FBXL20: variants seen among roughly 807,000 people sequenced by gnomAD.
FBXL20 encodes F-box/LRR-repeat protein 20.
FBXL20 carries 11 observed loss-of-function variants against 64.0 expected under a neutral mutation model. That is an observed-to-expected ratio of 0.17 (90% confidence interval 0.11 to 0.28). FBXL20 has a LOEUF of 0.28. Ranked by LOEUF, FBXL20 falls within the 10% of genes least tolerant of loss-of-function variation. FBXL20 has a pLI of 1.00. For missense variants in FBXL20, 303 were observed against 526.2 expected, an observed-to-expected ratio of 0.58 and a Z score of 4.15; for synonymous variants, 184 against 189.0, an observed-to-expected ratio of 0.97 and a Z score of 0.22.
chr17:39,383,939 C>T (rs1006458493), intron 1 of FBXL20, among the ~76,000 whole-genome samples: 15 of 151,510 alleles, frequency 9.9e-5, no homozygotes, highest in Non-Finnish European at 1.6e-4. Flanking sequence ...AAATTTTATA[C>T]ATAAAATTTA....
intron 1 of FBXL20, among the ~76,000 whole-genome samples, chr17:39,387,930 G>T (rs1567906806): frequency 6.6e-6 from 1 of 151,958 alleles, no homozygotes; most frequent in Non-Finnish European, 1.5e-5. Context: ...GTTTATCAGG[G>T]CACAGTCCCA....
At chr17:39,400,580 T>C (rs1299051767) in intron 1 of FBXL20, among the ~76,000 whole-genome samples, 3 of 152,130 alleles carry the variant, frequency 2.0e-5, no homozygotes, top group Non-Finnish European at 2.9e-5. Flanking sequence ...AGTTACAATA[T>C]TTCACTTCCC....
chr17:39,255,240 A>G lies in FBXL20; in HGVS notation c.*6220T>C, dbSNP rs2046684678. 1 of 151,794 alleles carries G rather than the reference A, an allele frequency of 6.6e-6. No homozygotes were observed. The highest frequency in any genetic ancestry group is 1.5e-5 in the Non-Finnish European group (1 of 68,008). The allele number at this position is 151,794 out of a possible 1,614,324, so 9.4% of individuals were successfully genotyped here. A position where few individuals can be genotyped will look rare whatever the true frequency, so the allele number is the denominator to read the frequency against. ...ATCATGAGGTCAGGAGATCGAGACC[A>G]TCCTGGCTAACAGGGTGAAACCCCG... is the stretch of plus-strand genomic sequence containing the variant. On this transcript the variant is annotated 3_prime_UTR_variant, in exon 15 of 15. Transcript: ENST00000264658.
At chr17:39,341,764 A>G (rs1030252668) in intron 2 of FBXL20, among the ~76,000 whole-genome samples, 1 of 152,162 alleles carries the variant, frequency 6.6e-6, no homozygotes. Context: ...AGCCTTGGAG[A>G]AAAAAACCAC....
chr17:39,294,801 C>G (rs2047070462), intron 6 of FBXL20, among the ~76,000 whole-genome samples: 1 of 152,056 alleles, frequency 6.6e-6, no homozygotes, highest in African/African-American at 2.4e-5. Flanking sequence ...CACCTGAGGT[C>G]AGGAGATCCT....
At chr17:39,296,241 C>T (rs1456391985) in intron 6 of FBXL20, among the ~76,000 whole-genome samples, 2 of 151,984 alleles carry the variant, frequency 1.3e-5, no homozygotes, top group Admixed American at 6.6e-5. Context: ...TCACAGTAAA[C>T]GTTTCCAAAT....
At position 39,381,074 on chromosome 17, in the gene FBXL20, C is replaced by T. The variant is rs1257063740; in HGVS notation, c.42+20287G>A. ...AGTCAGGAGGCTGAAGCAGGAGACTCACTTGAACCCGGGAGGCGGAAGTTG... is the reference window on the plus strand; with the variant it reads ...AGTCAGGAGGCTGAAGCAGGAGACTTACTTGAACCCGGGAGGCGGAAGTTG... On this transcript the variant is annotated intron_variant, in intron 1 of 14. Transcript: ENST00000264658. Among the ~76,000 whole-genome samples, 3 of 151,978 alleles carry T rather than the reference C, an allele frequency of 2.0e-5. No homozygotes were observed. In the South Asian group the frequency reaches 6.2e-4, roughly 32 times the overall value.
intron 1 of FBXL20, among the ~76,000 whole-genome samples, chr17:39,346,831 A>ATC (rs2047637842): frequency 6.7e-6 from 1 of 148,518 alleles, no homozygotes; most frequent in East Asian, 2.0e-4. Context: ...TCCTAATGCT[A>ATC]TCTCTCCCCC....
intron 1 of FBXL20, among the ~76,000 whole-genome samples, chr17:39,353,946 C>T (rs1435240079): frequency 6.6e-6 from 1 of 151,942 alleles, no homozygotes; most frequent in Non-Finnish European, 1.5e-5. Flanking sequence ...AAAAATGTTT[C>T]GTTTTTCAAG....
intron 3 of FBXL20, among the ~76,000 whole-genome samples, chr17:39,302,692 G>A (rs2047148606): frequency 6.6e-6 from 1 of 151,966 alleles, no homozygotes; most frequent in African/African-American, 2.4e-5. Flanking sequence ...TAAATTTTCT[G>A]TAGAGATAGG....
At chr17:39,293,548 A>T (rs558349895) in intron 6 of FBXL20, among the ~76,000 whole-genome samples, 9 of 152,268 alleles carry the variant, frequency 5.9e-5, no homozygotes, top group East Asian at 5.8e-4. Flanking sequence ...AATAAATAAA[A>T]AAATAAAATA....
At chr17:39,296,416 C>T (rs1159505969) in intron 6 of FBXL20, among the ~76,000 whole-genome samples, 2 of 151,712 alleles carry the variant, frequency 1.3e-5, no homozygotes, top group South Asian at 2.1e-4. Flanking sequence ...AAAAATAAGC[C>T]GGGCGTGGTG....
At chr17:39,348,636 T>C (rs930538260) in intron 1 of FBXL20, among the ~76,000 whole-genome samples, 2 of 152,180 alleles carry the variant, frequency 1.3e-5, no homozygotes, top group African/African-American at 4.8e-5. Flanking sequence ...AAAGATACTA[T>C]GTCACTATGG....
Position 39,401,552 on chromosome 17 carries a change from C to A in FBXL20, c.-150G>T. The A allele has an allele frequency of 7.0e-7, 1 of 1,428,798 alleles. No individual in the cohort carries two copies. Among genetic ancestry groups the A allele is most frequent in the Non-Finnish European group, 9.1e-7 (1 of 1,101,768 alleles). The allele number at this position is 1,428,798 out of a possible 1,614,324, so 88.5% of individuals were successfully genotyped here. A position where few individuals can be genotyped will look rare whatever the true frequency, so the allele number is the denominator to read the frequency against. On this transcript the variant is annotated 5_prime_UTR_variant, in exon 1 of 15. Transcript: ENST00000264658. ...GGGACGGGAACAAGAGACCTCTCGG[C>A]TCCGGCTAGGCCTCCACCACCTCCC...
At chr17:39,328,392 T>C (rs1288394951) in intron 2 of FBXL20, among the ~76,000 whole-genome samples, 1 of 151,994 alleles carries the variant, frequency 6.6e-6, no homozygotes, top group Non-Finnish European at 1.5e-5. Context: ...AAACACCTTG[T>C]TGTGCCAGAA....
In FBXL20 at chr17:39,270,873, AAAAAC is replaced by A; in HGVS notation, c.828-22_828-18del. On this transcript the variant is annotated intron_variant, in intron 10 of 14. Transcript: ENST00000264658. ...TCCAATATTCTGTTAAAAAAAAAAAAAAAACAGTGAAAGTCAAGCTCTTGGTCCCT... is the reference window on the plus strand; with the variant it reads ...TCCAATATTCTGTTAAAAAAAAAAAAAGTGAAAGTCAAGCTCTTGGTCCCT... 1.3e-6 allele frequency: 2 copies of A among 1,581,116 alleles called. No homozygotes were observed. The highest frequency in any genetic ancestry group is 1.7e-6 in the Non-Finnish European group (2 of 1,164,954).
intron 11 of FBXL20, among the ~76,000 whole-genome samples, chr17:39,269,285 C>T (rs1034451287): frequency 6.6e-6 from 1 of 152,068 alleles, no homozygotes; most frequent in African/African-American, 2.4e-5. Flanking sequence ...GCTCTACCTC[C>T]CGGGTTCACG....
intron 1 of FBXL20, among the ~76,000 whole-genome samples, chr17:39,355,263 C>A (rs369780208): frequency 6.6e-6 from 1 of 151,726 alleles, no homozygotes; most frequent in Non-Finnish European, 1.5e-5. Context: ...ACTATGGCCA[C>A]GCCTGTAATC....
chr17:39,356,353 C>A (rs958706520), intron 1 of FBXL20, among the ~76,000 whole-genome samples: 1 of 151,484 alleles, frequency 6.6e-6, no homozygotes, highest in Non-Finnish European at 1.5e-5. Context: ...ACAATTGTTT[C>A]ACCACCATCT....
Sources: gnomAD v4.1 joint callset for allele counts (sites outside exome capture counted in the v4.1 genomes callset) on GRCh38, gnomAD v4.1.1 for gene constraint, MANE v1.5 for transcripts, NCBI Gene and HGNC (gene_info 2026-07-23, HGNC 2026-07-21) for gene names.